Variants in PLAAT3 observed in about 807,000 individuals in gnomAD.
PLAAT3 encodes Ca-independent phospholipase A1/2.
PLAAT3 carries 21 observed loss-of-function variants against 16.7 expected under a neutral mutation model. The ratio of observed to expected loss-of-function variants is 1.26; its 90% CI spans 0.89 to 1.81. The LOEUF is 1.81. PLAAT3 is among the 40% of genes most tolerant of loss of function. The pLI, the probability that PLAAT3 is intolerant of heterozygous loss-of-function variation, is 0.00. For synonymous variants in PLAAT3, 76 were observed against 81.7 expected, an observed-to-expected ratio of 0.93 and a Z score of 0.38; for missense variants, 219 against 213.7, an observed-to-expected ratio of 1.02 and a Z score of -0.16.
intron 4 of PLAAT3, among the ~76,000 whole-genome samples, chr11:63,587,539 G>T (rs67663634): frequency 0.3 from 44,135 of 149,092 alleles, 7,147 homozygotes; most frequent in South Asian, 0.45. Flanking sequence ...TTTTTTGTTT[G>T]TTTTTTGTTT....
chr11:63,606,979 G>A (rs1938583834), intron 2 of PLAAT3, among the ~76,000 whole-genome samples: 1 of 152,170 alleles, frequency 6.6e-6, no homozygotes, highest in Non-Finnish European at 1.5e-5. Flanking sequence ...ATGAGATGTA[G>A]GGTGCAAGGA....
At chr11:63,591,486 C>T (rs1297439965) in intron 3 of PLAAT3, among the ~76,000 whole-genome samples, 1 of 152,232 alleles carries the variant, frequency 6.6e-6, no homozygotes. Context: ...CAAACAGCCA[C>T]TGTGACCCTG....
intron 4 of PLAAT3, among the ~76,000 whole-genome samples, chr11:63,579,872 T>TAAAAAAAA (rs34817353): frequency 9.3e-6 from 1 of 107,114 alleles, no homozygotes; most frequent in Non-Finnish European, 2.0e-5. Context: ...TAAAGTATAA[T>TAAAAAAAA]AAAAAAAAAA....
upstream of PLAAT3, among the ~76,000 whole-genome samples, chr11:63,615,350 G>A (rs1243264333): frequency 1.6e-4 from 16 of 101,362 alleles, 1 homozygote; most frequent in South Asian, 2.0e-3. Flanking sequence ...ATATATGTGT[G>A]TATATATATG....
chr11:63,607,740 G>A (rs1366975450), intron 2 of PLAAT3, among the ~76,000 whole-genome samples: 1 of 151,780 alleles, frequency 6.6e-6, no homozygotes, highest in Admixed American at 6.6e-5. Context: ...GAGATGTACG[G>A]AGAGAGGCAA....
intron 2 of PLAAT3, among the ~76,000 whole-genome samples, chr11:63,599,799 C>T (rs778778225): frequency 2.0e-5 from 3 of 152,012 alleles, no homozygotes; most frequent in Admixed American, 1.3e-4. Flanking sequence ...TCTCCTCAAA[C>T]AGACAAGGAC....
intron 4 of PLAAT3, among the ~76,000 whole-genome samples, chr11:63,588,447 G>A (rs1938042206): frequency 7.1e-6 from 1 of 140,354 alleles, no homozygotes; most frequent in Non-Finnish European, 1.5e-5. Flanking sequence ...GATAGATGTA[G>A]TAAGTGCCAC....
At position 63,597,385 on chromosome 11, in the gene PLAAT3, G is replaced by A. The variant is rs912319054; in HGVS notation, c.118+676C>T. 3.3e-5 allele frequency among the ~76,000 whole-genome samples: 5 copies of A among 152,080 alleles called. No individual in the cohort carries two copies. The South Asian group carries it at 6.2e-4, about 19-fold the overall frequency. ...TAAAAATACAAAAAATTAGCCAGGT[G>A]TGGTGGCAGGCACCTGAGTAGTCCC... On this transcript the variant is annotated intron_variant, in intron 3 of 4. Transcript: ENST00000415826.
rs12287164 is a variant in PLAAT3 at position 63,613,271 on chromosome 11, C to T, written c.15+729G>A. ...CTAAAAATACAAAAAATTAGCCAGGCGTAGTGGCGGGCGCCTGTACTCCCA... is the reference window on the plus strand; with the variant it reads ...CTAAAAATACAAAAAATTAGCCAGGTGTAGTGGCGGGCGCCTGTACTCCCA... On this transcript the variant is annotated intron_variant, in intron 2 of 4. Coordinates refer to ENST00000415826, the MANE Select transcript of PLAAT3 (RefSeq NM_001128203.2). 5.5e-3 allele frequency among the ~76,000 whole-genome samples: 839 copies of T among 152,116 alleles called. 7 individuals carry two copies. Among genetic ancestry groups the T allele is most frequent in the African/African-American group, 0.019 (801 of 41,506 alleles).
intron 4 of PLAAT3, among the ~76,000 whole-genome samples, chr11:63,586,822 G>A (rs1565249061): frequency 6.6e-6 from 1 of 152,120 alleles, no homozygotes; most frequent in Non-Finnish European, 1.5e-5. Context: ...AGTGGCTCAC[G>A]CCTGTAATCT....
chr11:63,601,909 G>T (rs1464277584), intron 2 of PLAAT3, among the ~76,000 whole-genome samples: 1 of 151,146 alleles, frequency 6.6e-6, no homozygotes, highest in Non-Finnish European at 1.5e-5. Flanking sequence ...CCCAGGAGGT[G>T]GTGGGGGTTG....
chr11:63,604,929 A>G (rs2134426729), intron 2 of PLAAT3, among the ~76,000 whole-genome samples: 1 of 152,332 alleles, frequency 6.6e-6, no homozygotes, highest in Non-Finnish European at 1.5e-5. Flanking sequence ...AAGCTCTATA[A>G]CAATATCCTA....
chr11:63,588,464 C>G (rs1434309617), intron 4 of PLAAT3, among the ~76,000 whole-genome samples: 1 of 90,518 alleles, frequency 1.1e-5, no homozygotes, highest in African/African-American at 5.3e-5. Flanking sequence ...CCACCATCCC[C>G]TGGTCTCCTG....
At chr11:63,595,469 G>A (rs1238716048) in intron 3 of PLAAT3, among the ~76,000 whole-genome samples, 1 of 152,088 alleles carries the variant, frequency 6.6e-6, no homozygotes, top group African/African-American at 2.4e-5. Flanking sequence ...GACTCACATG[G>A]GCATGATGTT....
intron 2 of PLAAT3, among the ~76,000 whole-genome samples, chr11:63,602,151 G>A (rs1327858939): frequency 2.6e-5 from 4 of 151,896 alleles, no homozygotes; most frequent in South Asian, 4.2e-4. Flanking sequence ...TTAGCCAGGC[G>A]TGGTGGTGCA....
intron 4 of PLAAT3, among the ~76,000 whole-genome samples, chr11:63,587,109 A>T (rs1221846755): frequency 6.6e-6 from 1 of 152,198 alleles, no homozygotes; most frequent in Non-Finnish European, 1.5e-5. Context: ...ACATAAATAA[A>T]AAACAAGAGA....
intron 4 of PLAAT3, among the ~76,000 whole-genome samples, chr11:63,578,103 G>A (rs990381063): frequency 2.0e-5 from 3 of 152,066 alleles, no homozygotes; most frequent in African/African-American, 7.2e-5. Flanking sequence ...GCAACATGGT[G>A]AAACCCCATC....
chr11:63,584,508 G>GTTTTTTT (rs59460211), intron 4 of PLAAT3, among the ~76,000 whole-genome samples: 1 of 140,242 alleles, frequency 7.1e-6, no homozygotes, highest in African/African-American at 2.6e-5. Flanking sequence ...TTTTTTTTTT[G>GTTTTTTT]TTTTTTTTTG....
chr11:63,594,513 A>G (rs908538132), intron 3 of PLAAT3, among the ~76,000 whole-genome samples: 7 of 152,148 alleles, frequency 4.6e-5, no homozygotes, highest in African/African-American at 1.7e-4. Context: ...ACTTGGCTTT[A>G]AGCTTTGGCA....
Sources: allele counts gnomAD v4.1 joint callset (sites outside exome capture counted in the v4.1 genomes callset), GRCh38; gene constraint gnomAD v4.1.1; transcripts MANE v1.5; gene names NCBI Gene and HGNC (gene_info 2026-07-23, HGNC 2026-07-21).